The following TBCK variants were observed in gnomAD, a reference collection of about 807,000 sequenced individuals.
TBCK encodes TBC1 domain containing kinase.
A neutral mutation model predicts 113.4 loss-of-function variants in TBCK; 99 were observed. The ratio of observed to expected loss-of-function variants is 0.87; its 90% confidence interval spans 0.74 to 1.03. TBCK has a LOEUF of 1.03. Among genes scored for constraint, TBCK ranks in the 50% least tolerant of loss-of-function variants. The pLI, the probability that TBCK is intolerant of heterozygous loss-of-function variation, is 0.00. For missense variants in TBCK, 1,045 were observed against 1,061.3 expected (o/e 0.98, Z 0.21); for synonymous variants, 369 against 370.8 (o/e 1.00, Z 0.05).
chr4:106,240,698 A>T (rs1297226936), intron 12 of TBCK, among the ~76,000 whole-genome samples: 2 of 152,040 alleles, frequency 1.3e-5, no homozygotes, highest in African/African-American at 4.8e-5. Context: ...TTACTATATG[A>T]AAATTTTGCC....
intron 1 of TBCK, among the ~76,000 whole-genome samples, chr4:106,312,135 C>T (rs749281910): frequency 2.6e-5 from 4 of 151,806 alleles, no homozygotes; most frequent in South Asian, 4.1e-4. Flanking sequence ...AATAAAAATT[C>T]GAGTTAAAGG....
chr4:106,235,735 T>C (rs1759384989), intron 14 of TBCK, among the ~76,000 whole-genome samples: 1 of 152,012 alleles, frequency 6.6e-6, no homozygotes, highest in Non-Finnish European at 1.5e-5. Flanking sequence ...AACGTGGTGA[T>C]AGAGAAGTGA....
chr4:106,189,643 G>A (rs1289916826), intron 22 of TBCK, among the ~76,000 whole-genome samples: 1 of 152,102 alleles, frequency 6.6e-6, no homozygotes, highest in African/African-American at 2.4e-5. Flanking sequence ...TGAAAAAAAT[G>A]TAGAGAGATC....
chr4:106,214,200 C>T (rs1292240714), intron 19 of TBCK, among the ~76,000 whole-genome samples: 1 of 152,126 alleles, frequency 6.6e-6, no homozygotes, highest in African/African-American at 2.4e-5. Flanking sequence ...AGGACATCCA[C>T]ACCAAAAACC....
chr4:106,122,341 T>G lies in TBCK; in HGVS notation c.2236-5963A>C, dbSNP rs542230036. ...CTAAACCAGGAAGAAGTTGAATCTC[T>G]GAATAGACCAATAACAGGAGCTGAA... On this transcript the variant is annotated intron_variant, in intron 23 of 25. Coordinates refer to ENST00000394708, the MANE Select transcript of TBCK (RefSeq NM_001163435.3). Among the ~76,000 whole-genome samples the G allele has an allele frequency of 7.9e-5, 12 of 152,284 alleles. No individual in the cohort carries two copies. In the South Asian group the frequency reaches 2.3e-3, roughly 29 times the overall value.
Position 106,240,804 on chromosome 4 carries a change from G to A in TBCK, c.1170+1666C>T, listed in dbSNP as rs1760024057. On this transcript the variant is annotated intron_variant, in intron 12 of 25. Coordinates refer to ENST00000394708, the MANE Select transcript of TBCK (RefSeq NM_001163435.3). ...TTTGAAATGCAAGAACAAAAAATAT[G>A]ATGGATTGATGAATAGCTAGAAAGA... 2.0e-5 allele frequency among the ~76,000 whole-genome samples: 3 copies of A among 151,988 alleles called. No individual in the cohort carries two copies. In the South Asian group the frequency reaches 6.2e-4, roughly 32 times the overall value.
chr4:106,244,819 C>T (rs1163452630), intron 10 of TBCK, 55 bp from the exon 11 acceptor site: 25 of 1,109,166 alleles, frequency 2.3e-5, no homozygotes, highest in South Asian at 3.6e-5. Flanking sequence ...TTTTATTAAA[C>T]GTCAACAGGC....
At chr4:106,115,442 C>T (rs1032136556) in intron 24 of TBCK, among the ~76,000 whole-genome samples, 1 of 152,140 alleles carries the variant, frequency 6.6e-6, no homozygotes, top group African/African-American at 2.4e-5. Flanking sequence ...TGCTAACCCT[C>T]ATTTATAGCA....
intron 5 of TBCK, among the ~76,000 whole-genome samples, chr4:106,258,029 C>T (rs1157196115): frequency 6.6e-5 from 10 of 151,960 alleles, no homozygotes. Flanking sequence ...ATATCAAAAA[C>T]TTCTGACAGG....
chr4:106,075,217 A>AAAGTT (rs1738035293), intron 25 of TBCK, among the ~76,000 whole-genome samples: 1 of 152,218 alleles, frequency 6.6e-6, no homozygotes, highest in Admixed American at 6.5e-5. Flanking sequence ...GTAAATATGT[A>AAAGTT]AAGTTCTCTT....
chr4:106,153,240 T>A (rs746889510), intron 23 of TBCK, among the ~76,000 whole-genome samples: 5 of 152,044 alleles, frequency 3.3e-5, no homozygotes, highest in African/African-American at 9.7e-5. Context: ...CTGTACTTCA[T>A]AGGTTTTATG....
intron 2 of TBCK, among the ~76,000 whole-genome samples, chr4:106,300,430 G>C (rs551789082): frequency 1.8e-4 from 27 of 152,154 alleles, no homozygotes; most frequent in African/African-American, 6.3e-4. Context: ...AGAAAGAGGT[G>C]AATCATGAAT....
chr4:106,114,583 T>C (rs1743265569), intron 24 of TBCK, among the ~76,000 whole-genome samples: 1 of 152,204 alleles, frequency 6.6e-6, no homozygotes. Context: ...AGCCAGGTCC[T>C]CTAGCCCGCT....
At chr4:106,263,895 A>G (rs1442272509) in intron 3 of TBCK, among the ~76,000 whole-genome samples, 1 of 152,006 alleles carries the variant, frequency 6.6e-6, no homozygotes, top group Non-Finnish European at 1.5e-5. Flanking sequence ...GCAAGAGGAT[A>G]TAATTGACGT....
intron 25 of TBCK, among the ~76,000 whole-genome samples, chr4:106,065,649 A>C (rs1736558162): frequency 6.6e-6 from 1 of 152,052 alleles, no homozygotes; most frequent in South Asian, 2.1e-4. Context: ...CTAGGACTCC[A>C]CTTCACTCAT....
At chr4:106,225,609 G>C (rs750729764) in intron 19 of TBCK, among the ~76,000 whole-genome samples, 2 of 152,032 alleles carry the variant, frequency 1.3e-5, no homozygotes, top group Non-Finnish European at 2.9e-5. Context: ...ACAGGCGCCT[G>C]CCACCATGCC....
intron 22 of TBCK, among the ~76,000 whole-genome samples, chr4:106,178,472 G>T (rs1018588477): frequency 6.6e-6 from 1 of 151,764 alleles, no homozygotes; most frequent in African/African-American, 2.4e-5. Flanking sequence ...GGCCTTTATT[G>T]TTCTGAGGTG....
In TBCK at chr4:106,251,955, T is replaced by A. The variant is rs754855970; in HGVS notation, c.508A>T (p.Thr170Ser). ...GGTTTTTTACTTGGCATGTGATCAG[T>A]GGTTTTGAAAATTCCCTGTGCAATT... ...EVIAQGIFKTTDHMPSKKPLP... is the reference protein window; with the variant it reads ...EVIAQGIFKTSDHMPSKKPLP... The change falls in exon 6 of 26, where the codon ACT becomes TCT. Residue 170 changes from threonine to serine, a missense_variant. Physicochemically the swap from Thr to Ser is moderately conservative, Grantham distance 58. Transcript: ENST00000394708. 1 of 1,612,038 alleles carries A rather than the reference T, an allele frequency of 6.2e-7. No homozygotes were observed. Among genetic ancestry groups the A allele is most frequent in the African/African-American group, 1.3e-5 (1 of 74,990 alleles).
chr4:106,130,437 A>G (rs1205472576), intron 23 of TBCK, among the ~76,000 whole-genome samples: 1 of 152,186 alleles, frequency 6.6e-6, no homozygotes, highest in Non-Finnish European at 1.5e-5. Flanking sequence ...CATGTAAAGA[A>G]ATCCCATTCA....
Sources: gnomAD v4.1 joint callset for allele counts (sites outside exome capture counted in the v4.1 genomes callset) on GRCh38, gnomAD v4.1.1 for gene constraint, MANE v1.5 for transcripts, NCBI Gene and HGNC (gene_info 2026-07-23, HGNC 2026-07-21) for gene names.